The following ANK1 variants were observed in gnomAD, a reference collection of about 807,000 sequenced individuals.
ANK1 encodes the protein ankyrin 1.
ANK1 carries 51 observed loss-of-function variants against 210.4 expected under a neutral mutation model. The observed-to-expected ratio is 0.24, with a 90% CI of 0.19 to 0.31. The LOEUF is 0.31. ANK1 is among the 10% of genes least tolerant of loss of function. ANK1 has a pLI of 1.00. For synonymous variants in ANK1, 967 were observed against 1,025.9 expected, an observed-to-expected ratio of 0.94 and a Z score of 1.10; for missense variants, 2,051 against 2,504.4, an observed-to-expected ratio of 0.82 and a Z score of 3.86.
At chr8:41,793,895 G>T (rs1848238499) in intron 1 of ANK1, among the ~76,000 whole-genome samples, 1 of 152,098 alleles carries the variant, frequency 6.6e-6, no homozygotes, top group Admixed American at 6.5e-5. Context: ...ACGTGTAAGA[G>T]AGAGGGGGAT....
intron 42 of ANK1, chr8:41,660,598 C>T (rs1807724515): frequency 6.8e-6 from 3 of 443,676 alleles, no homozygotes; most frequent in South Asian, 3.3e-5. Context: ...CTTCATGTCC[C>T]TTCCTCATGG....
chr8:41,809,301 C>T (rs931796151), intron 1 of ANK1, among the ~76,000 whole-genome samples: 8 of 152,200 alleles, frequency 5.3e-5, no homozygotes, highest in African/African-American at 7.2e-5. Context: ...ACACCAAATG[C>T]GCAGCTCTGT....
chr8:41,803,047 G>A (rs1850268342), intron 1 of ANK1, among the ~76,000 whole-genome samples: 1 of 74,768 alleles, frequency 1.3e-5, no homozygotes, highest in Admixed American at 1.5e-4. Flanking sequence ...GAAAGAGAAA[G>A]AAAGAAAGAG....
chr8:41,773,184 G>A (rs1372725), intron 1 of ANK1, among the ~76,000 whole-genome samples: 9,814 of 152,088 alleles, frequency 0.065, 800 homozygotes, highest in African/African-American at 0.2. Flanking sequence ...CAATTAAGGT[G>A]TCCTGGGCAC....
At chr8:41,670,430 G>A (rs1811901468) in intron 38 of ANK1, among the ~76,000 whole-genome samples, 1 of 152,110 alleles carries the variant, frequency 6.6e-6, no homozygotes, top group Admixed American at 6.5e-5. Flanking sequence ...TAATGCAGGG[G>A]CCAGCATGCA....
In ANK1 at chr8:41,668,568, G is replaced by C; in HGVS notation, c.5097-4C>G. ...GTCTGCATCCCAGTCCTGCAGTCTG[G>C]GGTCCAGAAGAAGCAGCAGATGGCC... On this transcript the variant is annotated splice_region_variant and splice_polypyrimidine_tract_variant and intron_variant, in intron 38 of 42. Coordinates refer to ENST00000289734, the MANE Select transcript of ANK1 (RefSeq NM_000037.4). The C allele has an allele frequency of 6.2e-7, 1 of 1,609,252 alleles. No homozygotes were observed. Among genetic ancestry groups the C allele is most frequent in the Non-Finnish European group, 8.5e-7 (1 of 1,176,114 alleles).
chr8:41,701,932 G>C, intron 21 of ANK1, 120 bp downstream of exon 21: 5 of 1,063,820 alleles, frequency 4.7e-6, no homozygotes, highest in South Asian at 1.3e-5. Flanking sequence ...CGTCGGGCGC[G>C]GCGCCTCCGA....
At chr8:41,698,150 A>C in intron 23 of ANK1, 29 bp from the exon 24 acceptor site, 1 of 1,610,944 alleles carries the variant, frequency 6.2e-7, no homozygotes, top group Non-Finnish European at 8.5e-7. Flanking sequence ...AGAACATCAC[A>C]GGGCTGATCC....
chr8:41,839,906 C>A (rs1808535390), intron 1 of ANK1, among the ~76,000 whole-genome samples: 1 of 152,190 alleles, frequency 6.6e-6, no homozygotes, highest in Non-Finnish European at 1.5e-5. Context: ...AACACTGGTT[C>A]ATTCATTACA....
intron 2 of ANK1, among the ~76,000 whole-genome samples, chr8:41,744,523 C>T (rs1348923705): frequency 2.1e-5 from 3 of 144,848 alleles, no homozygotes; most frequent in South Asian, 2.2e-4. Flanking sequence ...GGGGAGGGAG[C>T]ATGATTTCTT....
chr8:41,837,690 G>A (rs1172343246), intron 1 of ANK1, among the ~76,000 whole-genome samples: 1 of 152,018 alleles, frequency 6.6e-6, no homozygotes, highest in Non-Finnish European at 1.5e-5. Context: ...TGGACAACAT[G>A]GTGAAACCCC....
At chr8:41,831,725 T>C (rs1247709050) in intron 1 of ANK1, among the ~76,000 whole-genome samples, 2 of 150,850 alleles carry the variant, frequency 1.3e-5, no homozygotes, top group Admixed American at 6.6e-5. Context: ...ATTAAGAAGG[T>C]ACCTGTACCC....
At chr8:41,742,102 A>G (rs1250491181) in intron 2 of ANK1, among the ~76,000 whole-genome samples, 2 of 152,230 alleles carry the variant, frequency 1.3e-5, no homozygotes, top group African/African-American at 2.4e-5. Context: ...AAGAAGAAAA[A>G]AGTCACATTC....
chr8:41,673,153 TGAGGCA>T (rs1256451597), intron 37 of ANK1, among the ~76,000 whole-genome samples: 2 of 152,054 alleles, frequency 1.3e-5, no homozygotes, highest in Non-Finnish European at 2.9e-5. Context: ...AGCCAGGGTG[TGAGGCA>T]GAGATGGGGG....
chr8:41,774,790 C>T (rs376518448), intron 1 of ANK1, among the ~76,000 whole-genome samples: 2 of 152,342 alleles, frequency 1.3e-5, no homozygotes, highest in Non-Finnish European at 2.9e-5. Flanking sequence ...TTCCCCACTG[C>T]GCAAGGAATG....
At chr8:41,802,028 C>T (rs1055878547), upstream of ANK1, among the ~76,000 whole-genome samples, 7 of 152,054 alleles carry the variant, frequency 4.6e-5, no homozygotes, top group South Asian at 2.1e-4. Context: ...CTTGCTCTGT[C>T]GCCCAGGCTA....
intron 1 of ANK1, among the ~76,000 whole-genome samples, chr8:41,776,849 G>A (rs1043376908): frequency 7.2e-5 from 11 of 152,358 alleles, no homozygotes; most frequent in African/African-American, 2.6e-4. Flanking sequence ...GTGCTTAGCA[G>A]CTACCACTCG....
chr8:41,844,349 T>A (rs1014822551), intron 1 of ANK1, among the ~76,000 whole-genome samples: 6 of 152,028 alleles, frequency 3.9e-5, no homozygotes, highest in Non-Finnish European at 8.8e-5. Context: ...TAGATCCAGG[T>A]CAGAAAAGTG....
chr8:41,793,576 C>A (rs1045465780), intron 1 of ANK1, among the ~76,000 whole-genome samples: 1 of 152,148 alleles, frequency 6.6e-6, no homozygotes, highest in African/African-American at 2.4e-5. Flanking sequence ...GGGAGTGAGA[C>A]CACCTGTAAG....
Sources: gnomAD v4.1 joint callset for allele counts (sites outside exome capture counted in the v4.1 genomes callset) on GRCh38, gnomAD v4.1.1 for gene constraint, MANE v1.5 for transcripts, NCBI Gene and HGNC (gene_info 2026-07-23, HGNC 2026-07-21) for gene names.